Variants in PRKCH observed in about 807,000 individuals in gnomAD.
PRKCH encodes protein kinase C eta type.
Under a neutral mutation model 82.5 loss-of-function variants are expected in PRKCH, and 28 were observed. That is an observed-to-expected ratio of 0.34 (90% confidence interval 0.25 to 0.47). PRKCH has a LOEUF of 0.47. Ranked by LOEUF, PRKCH falls within the 20% of genes least tolerant of loss-of-function variation. PRKCH has a pLI of 1.00. For synonymous variants in PRKCH, 322 were observed against 327.4 expected, an observed-to-expected ratio of 0.98 and a Z score of 0.18; for missense variants, 705 against 881.8, an observed-to-expected ratio of 0.80 and a Z score of 2.54.
At chr14:61,366,932 CT>C (rs2140167922) in intron 1 of PRKCH, among the ~76,000 whole-genome samples, 1 of 152,170 alleles carries the variant, frequency 6.6e-6, no homozygotes, top group Non-Finnish European at 1.5e-5. Context: ...CTTCTGCTGG[CT>C]TCTTCCCTTC....
chr14:61,350,454 G>C (rs1160130316), intron 1 of PRKCH, among the ~76,000 whole-genome samples: 2 of 152,110 alleles, frequency 1.3e-5, no homozygotes, highest in Non-Finnish European at 2.9e-5. Context: ...TCTTCTGTAA[G>C]GTCAGTGTTT....
rs575068961 is a variant in PRKCH, at chr14:61,327,342, T to G, written c.363+4878T>G. Among the ~76,000 whole-genome samples, 3 of 152,350 alleles carry G rather than the reference T, an allele frequency of 2.0e-5. No individual in the cohort carries two copies. The South Asian group carries it at 6.2e-4, about 32-fold the overall frequency. On this transcript the variant is annotated intron_variant, in intron 1 of 13. Transcript: ENST00000332981. The stretch of plus-strand genomic sequence containing the variant: ...TAGTGGTTCATTCTCTTTTGTACTT[T>G]GTAGTGCCGTTGTTTATTCTCATGA...
chr14:61,505,395 C>CTTTTTTTTTTTTTTTTTT (rs60304150), intron 10 of PRKCH, among the ~76,000 whole-genome samples: 30 of 55,760 alleles, frequency 5.4e-4, no homozygotes, highest in Non-Finnish European at 6.7e-4. Context: ...CTTTTCTTTT[C>CTTTTTTTTTTTTTTTTTT]TTTTTTTTTT....
At chr14:61,415,828 T>C (rs368070837) in intron 2 of PRKCH, among the ~76,000 whole-genome samples, 2 of 152,256 alleles carry the variant, frequency 1.3e-5, no homozygotes, top group South Asian at 2.1e-4. Context: ...ACCCATTGAA[T>C]ACTAATTCTC....
chr14:61,321,199 A>G (rs551998962), upstream of PRKCH, among the ~76,000 whole-genome samples: 1 of 152,186 alleles, frequency 6.6e-6, no homozygotes, highest in Non-Finnish European at 1.5e-5. This position sits in a 1 kb window ranked among gnomAD's most constrained non-coding sequence, Gnocchi z 4.1. Flanking sequence ...CCTCTTGGGG[A>G]TGGCCCTGCA....
chr14:61,528,927 C>A, intron 10 of PRKCH, 148 bp from the exon 11 acceptor site: 1 of 728,976 alleles, frequency 1.4e-6, no homozygotes, highest in Non-Finnish European at 2.0e-6. Context: ...AAGTTTGTTC[C>A]TTTTGACGTG....
chr14:61,336,173 G>A (rs1310223230), intron 1 of PRKCH, among the ~76,000 whole-genome samples: 1 of 152,204 alleles, frequency 6.6e-6, no homozygotes, highest in African/African-American at 2.4e-5. Flanking sequence ...GATGGGCCCA[G>A]CCCTTTTCTG....
At chr14:61,458,713 G>A (rs1363463303) in intron 9 of PRKCH, among the ~76,000 whole-genome samples, 1 of 152,176 alleles carries the variant, frequency 6.6e-6, no homozygotes, top group African/African-American at 2.4e-5. Flanking sequence ...TACAGTCATA[G>A]CGGAAGGGTG....
At chr14:61,278,975 T>TCACACACACACACACACACACACACA (rs71117806) in intron 1 of PRKCH, 1 of 140,240 alleles carries the variant, frequency 7.1e-6, no homozygotes, top group East Asian at 2.1e-4. Flanking sequence ...CCCTTTCTAA[T>TCACACACACACACACACACACACACA]CACACACACA....
At chr14:61,279,159 C>T (rs1306620366) in intron 1 of PRKCH, 1 of 152,242 alleles carries the variant, frequency 6.6e-6, no homozygotes, top group African/African-American at 2.4e-5. Flanking sequence ...AGTTTCTACA[C>T]AGTACCTGGC....
At chr14:61,494,077 A>G (rs755477932) in intron 10 of PRKCH, among the ~76,000 whole-genome samples, 8 of 152,194 alleles carry the variant, frequency 5.3e-5, no homozygotes. Context: ...TGCCTGAGGT[A>G]TACTCCAGTG....
chr14:61,339,362 C>T (rs1235361320), intron 1 of PRKCH, among the ~76,000 whole-genome samples: 2 of 150,458 alleles, frequency 1.3e-5, no homozygotes, highest in African/African-American at 2.5e-5. Context: ...CTCACTCTGT[C>T]GCCCAGGCTG....
intron 2 of PRKCH, among the ~76,000 whole-genome samples, chr14:61,436,396 A>T (rs1183588362): frequency 6.6e-6 from 1 of 152,170 alleles, no homozygotes; most frequent in Non-Finnish European, 1.5e-5. Context: ...CCACAGTGAG[A>T]TCCGGGTCTA....
intron 10 of PRKCH, among the ~76,000 whole-genome samples, chr14:61,500,205 A>G (rs1886843362): frequency 6.6e-6 from 1 of 151,558 alleles, no homozygotes; most frequent in Non-Finnish European, 1.5e-5. Context: ...TTTGGGTAAG[A>G]CTTGGTCTTT....
At chr14:61,479,423 C>T (rs886980595) in intron 9 of PRKCH, among the ~76,000 whole-genome samples, 1 of 152,136 alleles carries the variant, frequency 6.6e-6, no homozygotes, top group Non-Finnish European at 1.5e-5. Flanking sequence ...TGGGTAAATG[C>T]TGAGGAAGGG....
intron 1 of PRKCH, among the ~76,000 whole-genome samples, chr14:61,369,949 GT>G (rs1321427265): frequency 6.6e-6 from 1 of 151,906 alleles, no homozygotes; most frequent in Non-Finnish European, 1.5e-5. Context: ...TGTATGTATG[GT>G]TTTTTATTTT....
At chr14:61,284,523 T>G (rs997198175) in intron 1 of PRKCH, among the ~76,000 whole-genome samples, 2 of 152,208 alleles carry the variant, frequency 1.3e-5, no homozygotes, top group Admixed American at 6.5e-5. Context: ...CCAAGGTCCA[T>G]GTATACACTA....
chr14:61,528,496 A>G (rs1326856618), intron 10 of PRKCH, among the ~76,000 whole-genome samples: 2 of 152,198 alleles, frequency 1.3e-5, no homozygotes, highest in African/African-American at 2.4e-5. Context: ...AGTATTTCTT[A>G]AGTACATTAT....
rs375585839 is a variant in PRKCH, at chr14:61,457,194, A to G, written c.979A>G (p.Thr327Ala). ...SPTSKLVSRS[T>A]LRRQGKESSK... is the part of the protein sequence containing the mutation. The stretch of plus-strand genomic sequence containing the variant: ...CTTTCAGAAACTCGTTTCCAGATCG[A>G]CCCTAAGACGACAGGGAAAGGAGAG... The change falls in exon 8 of 14, where the codon ACC (threonine) becomes GCC (alanine). Residue 327 changes from threonine to alanine, a missense_variant. Transcript: ENST00000332981. 3.1e-6 allele frequency: 5 copies of G among 1,613,922 alleles called. No individual in the cohort carries two copies. The highest frequency in any genetic ancestry group is 4.2e-6 in the Non-Finnish European group (5 of 1,179,978).
Sources: allele counts gnomAD v4.1 joint callset (sites outside exome capture counted in the v4.1 genomes callset), GRCh38; gene constraint gnomAD v4.1.1; non-coding constraint Gnocchi (gnomAD v3.1); transcripts MANE v1.5; gene names NCBI Gene and HGNC (gene_info 2026-07-23, HGNC 2026-07-21).